Variants in EYS observed in about 807,000 individuals in gnomAD.
EYS encodes protein eyes shut homolog.
A neutral mutation model predicts 282.1 loss-of-function variants in EYS; 250 were observed. The ratio of observed to expected loss-of-function variants is 0.89; its 90% CI spans 0.80 to 0.98. The LOEUF (loss-of-function observed/expected upper bound fraction) is 0.98. Ranked by LOEUF, EYS falls within the 50% of genes least tolerant of loss-of-function variation. The probability of loss-of-function intolerance (pLI) is 0.00; values close to 1 mark genes in which losing one functional copy is unlikely to be tolerated. For missense variants in EYS, 4,016 were observed against 3,709.0 expected (o/e 1.08, Z -2.15); for synonymous variants, 1,355 against 1,282.9 (o/e 1.06, Z -1.20).
chr6:65,439,329 G>A (rs1318733595), intron 5 of EYS, among the ~76,000 whole-genome samples: 1 of 151,896 alleles, frequency 6.6e-6, no homozygotes. Context: ...TGGCAATGCA[G>A]GCTCTTTTTT....
intron 28 of EYS, among the ~76,000 whole-genome samples, chr6:64,396,081 C>A (rs1017632238): frequency 6.6e-6 from 1 of 152,114 alleles, no homozygotes; most frequent in African/African-American, 2.4e-5. Flanking sequence ...CACAGACACA[C>A]ACGCACACAC....
At chr6:64,730,576 T>A (rs142386380) in intron 22 of EYS, among the ~76,000 whole-genome samples, 3,016 of 152,210 alleles carry the variant, frequency 0.02, 96 homozygotes, top group East Asian at 0.15. Context: ...CCTCCCAGGT[T>A]CAAGCAATTC....
chr6:63,786,984 A>C (rs929225925), intron 39 of EYS: 1 of 152,148 alleles, frequency 6.6e-6, no homozygotes, highest in African/African-American at 2.4e-5. Context: ...TTTAGAGTGG[A>C]GGGAAGGCAG....
At chr6:64,121,082 T>C (rs76384923) in intron 31 of EYS, among the ~76,000 whole-genome samples, 7,440 of 152,070 alleles carry the variant, frequency 0.049, 559 homozygotes, top group African/African-American at 0.16. Flanking sequence ...CCCTCCCCCA[T>C]AGACAATTTA....
intron 7 of EYS, among the ~76,000 whole-genome samples, chr6:65,399,509 C>T (rs1361631899): frequency 1.3e-5 from 2 of 151,864 alleles, no homozygotes; most frequent in Non-Finnish European, 1.5e-5. Context: ...GAATATCTTA[C>T]AGTAGAGTAG....
At chr6:64,539,484 A>G (rs1764630449) in intron 26 of EYS, among the ~76,000 whole-genome samples, 1 of 152,158 alleles carries the variant, frequency 6.6e-6, no homozygotes, top group Admixed American at 6.5e-5. Flanking sequence ...CTGAGGTGGG[A>G]GGATAGCCTG....
chr6:64,343,569 G>A (rs1371373263), intron 29 of EYS, among the ~76,000 whole-genome samples: 2 of 151,778 alleles, frequency 1.3e-5, no homozygotes, highest in Non-Finnish European at 2.9e-5. Flanking sequence ...TGTGTAGAGG[G>A]AAATTTATAC....
intron 12 of EYS, among the ~76,000 whole-genome samples, chr6:65,183,564 T>C (rs1765444162): frequency 6.6e-6 from 1 of 151,956 alleles, no homozygotes; most frequent in African/African-American, 2.4e-5. Context: ...ATATCCTTCT[T>C]CCTTAATTAC....
In EYS at chr6:64,863,323, T is replaced by G. The variant is rs951247076; in HGVS notation, c.2992+23374A>C. 2.0e-5 allele frequency among the ~76,000 whole-genome samples: 3 copies of G among 152,210 alleles called. No individual in the cohort carries two copies. In the East Asian group the frequency reaches 5.8e-4, roughly 29 times the overall value. ...TTGAGACTTTTACCTATTTATTCAT[T>G]ATTCCCACTAGTTTCTTTACATTTT... On this transcript the variant is annotated intron_variant, in intron 19 of 42. Coordinates refer to ENST00000503581, the MANE Select transcript of EYS (RefSeq NM_001142800.2).
intron 22 of EYS, among the ~76,000 whole-genome samples, chr6:64,712,093 G>C (rs1187758788): frequency 1.7e-4 from 26 of 152,288 alleles, no homozygotes; most frequent in Admixed American, 1.6e-3. Context: ...GGTGCCTTCA[G>C]CTTGGAGATG....
intron 26 of EYS, among the ~76,000 whole-genome samples, chr6:64,472,226 C>T (rs939109608): frequency 6.6e-6 from 1 of 152,108 alleles, no homozygotes; most frequent in African/African-American, 2.4e-5. Flanking sequence ...CTAATGCAGG[C>T]CAAGTAAATA....
Position 64,821,427 on chromosome 6 carries a change from TAAC to T in EYS, c.3243+215_3243+217del, listed in dbSNP as rs759449727. Among the ~76,000 whole-genome samples, 152 of 151,774 alleles carry T rather than the reference TAAC, an allele frequency of 1.0e-3. 1 individual carries two copies. Among genetic ancestry groups the T allele is most frequent in the African/African-American group, 3.3e-3 (135 of 41,446 alleles). On this transcript the variant is annotated intron_variant, in intron 21 of 42. Coordinates refer to ENST00000503581, the MANE Select transcript of EYS (RefSeq NM_001142800.2). ...GAGGGAGGAGAATCGTGGAATTTTC[TAAC>T]AACAAGAGACAAAGAAAGAAAAGGT... is the stretch of plus-strand genomic sequence containing the variant.
At chr6:63,883,245 A>G (rs559132896) in intron 35 of EYS, among the ~76,000 whole-genome samples, 1 of 151,782 alleles carries the variant, frequency 6.6e-6, no homozygotes, top group African/African-American at 2.4e-5. Context: ...CTGTGACTGG[A>G]CTCTTTCCAC....
chr6:64,455,316 C>T (rs1775518267), intron 26 of EYS, among the ~76,000 whole-genome samples: 1 of 152,112 alleles, frequency 6.6e-6, no homozygotes, highest in South Asian at 2.1e-4. Context: ...TGCCTAGAAC[C>T]TTCAGAAACA....
intron 24 of EYS, among the ~76,000 whole-genome samples, chr6:64,614,435 A>G (rs1183689835): frequency 1.3e-5 from 2 of 152,146 alleles, no homozygotes; most frequent in African/African-American, 4.8e-5. Context: ...CATTGAAGTC[A>G]GACTCAGGTA....
At chr6:64,256,021 A>T (rs1767388362) in intron 30 of EYS, among the ~76,000 whole-genome samples, 1 of 152,038 alleles carries the variant, frequency 6.6e-6, no homozygotes, top group South Asian at 2.1e-4. Context: ...AGCAATGAAT[A>T]TCCTTTTAAT....
intron 12 of EYS, among the ~76,000 whole-genome samples, chr6:65,272,887 A>G (rs974031861): frequency 3.3e-5 from 5 of 152,160 alleles, no homozygotes; most frequent in African/African-American, 1.2e-4. Flanking sequence ...TAAGATTAAG[A>G]TTAGGATGAT....
At chr6:64,085,633 G>A (rs112470108) in intron 31 of EYS, among the ~76,000 whole-genome samples, 2 of 148,904 alleles carry the variant, frequency 1.3e-5, no homozygotes, top group Non-Finnish European at 2.9e-5. Flanking sequence ...CACCTCATTT[G>A]TTTACAGTGT....
At chr6:64,075,881 A>G (rs1771755039) in intron 32 of EYS, among the ~76,000 whole-genome samples, 1 of 151,982 alleles carries the variant, frequency 6.6e-6, no homozygotes, top group Admixed American at 6.6e-5. Flanking sequence ...AGTTTAATGA[A>G]TCACATAATT....
Sources: gnomAD v4.1 joint callset for allele counts (sites outside exome capture counted in the v4.1 genomes callset) on GRCh38, gnomAD v4.1.1 for gene constraint, MANE v1.5 for transcripts, NCBI Gene and HGNC (gene_info 2026-07-23, HGNC 2026-07-21) for gene names.